LCOR: variants seen among roughly 807,000 people sequenced by gnomAD.
LCOR encodes the protein ligand-dependent corepressor.
In LCOR, 14 loss-of-function variants were observed where a neutral mutation model predicts 64.4. The ratio of observed to expected loss-of-function variants is 0.22; its 90% CI spans 0.14 to 0.34. LCOR has a LOEUF of 0.34. Among genes scored for constraint, LCOR ranks in the 10% least tolerant of loss-of-function variants. The pLI, the probability that LCOR is intolerant of heterozygous loss-of-function variation, is 1.00. For missense variants in LCOR, 1,686 were observed against 1,765.3 expected (o/e 0.96, Z 0.80); for synonymous variants, 643 against 642.5 (o/e 1.00, Z -0.01).
chr10:96,938,164 G>T (rs1163353994), intron 4 of LCOR, among the ~76,000 whole-genome samples: 1 of 151,998 alleles, frequency 6.6e-6, no homozygotes, highest in African/African-American at 2.4e-5. Flanking sequence ...TCCCTATGTT[G>T]CCCAGGCTGG....
chr10:96,906,689 C>T (rs1248652375), intron 2 of LCOR, among the ~76,000 whole-genome samples: 2 of 151,796 alleles, frequency 1.3e-5, no homozygotes, highest in Admixed American at 6.6e-5. Context: ...GTGGGGTTTA[C>T]GTTTATAAAG....
chr10:96,960,304 T>C (rs1336762845), intron 7 of LCOR: 1 of 152,242 alleles, frequency 6.6e-6, no homozygotes, highest in African/African-American at 2.4e-5. Context: ...TGGATTCATT[T>C]ATTTTCATAA....
chr10:96,920,713 T>C (rs989462018), intron 4 of LCOR, among the ~76,000 whole-genome samples: 3 of 142,710 alleles, frequency 2.1e-5, no homozygotes, highest in East Asian at 2.1e-4. Context: ...TATGTGTGTA[T>C]ATATGTATAT....
In LCOR at chr10:96,859,030, A is replaced by G. The variant is rs948449278; in HGVS notation, c.-330+25551A>G. Among the ~76,000 whole-genome samples the G allele has an allele frequency of 2.0e-5, 3 of 152,244 alleles. No individual in the cohort carries two copies. In the East Asian group the frequency reaches 5.8e-4, roughly 29 times the overall value. On this transcript the variant is annotated intron_variant, in intron 2 of 7. Transcript: ENST00000421806. Reference sequence around the variant, plus strand: ...CAGGACACTTTGTATTGCAAATGATAGAAACCCAACTCAGGTTAGTTTAAG... The same window carrying G: ...CAGGACACTTTGTATTGCAAATGATGGAAACCCAACTCAGGTTAGTTTAAG...
intron 2 of LCOR, among the ~76,000 whole-genome samples, chr10:96,838,560 A>T (rs1483064746): frequency 6.6e-6 from 1 of 152,232 alleles, no homozygotes; most frequent in Non-Finnish European, 1.5e-5. Flanking sequence ...TGGACATAGC[A>T]TGTAATTGGA....
intron 2 of LCOR, among the ~76,000 whole-genome samples, chr10:96,849,465 C>G (rs1845690145): frequency 6.6e-6 from 1 of 152,160 alleles, no homozygotes; most frequent in African/African-American, 2.4e-5. Context: ...CCGCCTCGGC[C>G]TCCCGAAGTG....
At chr10:96,957,604 T>G in intron 7 of LCOR, 1 of 985,272 alleles carries the variant, frequency 1.0e-6, no homozygotes, top group Non-Finnish European at 1.2e-6. Flanking sequence ...AATTGGAGGG[T>G]TGGTTAGATT....
intron 7 of LCOR, among the ~76,000 whole-genome samples, chr10:96,966,317 C>T (rs1847950720): frequency 6.7e-6 from 1 of 150,066 alleles, no homozygotes; most frequent in Non-Finnish European, 1.5e-5. Flanking sequence ...CAAACTCCGC[C>T]TCCCAGGTTC....
intron 2 of LCOR, among the ~76,000 whole-genome samples, chr10:96,889,208 T>C (rs949274473): frequency 2.0e-5 from 3 of 152,226 alleles, no homozygotes; most frequent in Non-Finnish European, 4.4e-5. Flanking sequence ...TTTCCTGTTC[T>C]GGACATTTCA....
At chr10:96,959,113 C>T (rs140443315) in intron 7 of LCOR, 1 of 152,022 alleles carries the variant, frequency 6.6e-6, no homozygotes, top group East Asian at 1.9e-4. Context: ...GCAGTGATTC[C>T]TTAATATTTG....
Position 96,987,932 on chromosome 10 carries a change from A to C in LCOR, c.*2798A>C, listed in dbSNP as rs1411466265. On this transcript the variant is annotated 3_prime_UTR_variant, in exon 8 of 8. Transcript: ENST00000421806. ...ACCACACCAGATGCAAAAGCAGTCCATCCCACATTCCGATCCAAATCAGAA... is the reference window on the plus strand; with the variant it reads ...ACCACACCAGATGCAAAAGCAGTCCCTCCCACATTCCGATCCAAATCAGAA... 6.6e-6 allele frequency: 1 copy of C among 152,266 alleles called. No homozygotes were observed. Among genetic ancestry groups the C allele is most frequent in the South Asian group, 2.1e-4 (1 of 4,836 alleles). 9.4% of individuals were successfully genotyped at this position (152,266 alleles called of 1,614,324 possible).
intron 7 of LCOR, among the ~76,000 whole-genome samples, chr10:96,966,205 T>TC (rs1847948290): frequency 1.4e-5 from 2 of 147,848 alleles, no homozygotes; most frequent in African/African-American, 2.5e-5. Context: ...TGGGGATTTT[T>TC]CCCCCCAAAG....
chr10:96,922,408 A>G (rs562051118), intron 4 of LCOR, among the ~76,000 whole-genome samples: 3 of 152,208 alleles, frequency 2.0e-5, no homozygotes, highest in African/African-American at 7.2e-5. Context: ...GTTAATGACT[A>G]TTGCTGTCAG....
In LCOR at chr10:96,854,927, T is replaced by A. The variant is rs74153737; in HGVS notation, c.-330+21448T>A. On this transcript the variant is annotated intron_variant, in intron 2 of 7. Coordinates refer to ENST00000421806, the MANE Select transcript of LCOR (RefSeq NM_001346516.2). ...ATTATATGTGTGTTTTATCATACCT[T>A]TCCTACTGAATATCTTGTTTTAGCC... is the stretch of plus-strand genomic sequence containing the variant. 9.9e-3 allele frequency among the ~76,000 whole-genome samples: 1,515 copies of A among 152,334 alleles called. 22 individuals are homozygous for A. Among genetic ancestry groups the A allele is most frequent in the African/African-American group, 0.031 (1,299 of 41,580 alleles).
chr10:96,900,735 T>C (rs897131186), intron 2 of LCOR, among the ~76,000 whole-genome samples: 4 of 147,676 alleles, frequency 2.7e-5, no homozygotes, highest in African/African-American at 1.0e-4. Flanking sequence ...TGAGTAACCC[T>C]TACCCCCCAG....
intron 7 of LCOR, among the ~76,000 whole-genome samples, chr10:96,965,552 C>T (rs964361564): frequency 3.3e-4 from 50 of 149,666 alleles, no homozygotes; most frequent in African/African-American, 1.2e-3. Flanking sequence ...GTCCCAGCTA[C>T]TCGGGAGGCT....
In LCOR at chr10:96,958,326, ATGAGT is replaced by A. The variant is rs1223531336; in HGVS notation, c.332+6137_332+6141del. ...ATGTGGTAGTCTATATAAGTGATGT[ATGAGT>A]TGAGTTATGTAAATTTTGTCATTGT... On this transcript the variant is annotated intron_variant, in intron 7 of 7. Transcript: ENST00000421806. The A allele has an allele frequency of 3.9e-6, 6 of 1,528,574 alleles. No homozygotes were observed. The Admixed American group carries it at 5.9e-5, about 15-fold the overall frequency. The allele number at this position is 1,528,574 out of a possible 1,614,324, so 94.7% of individuals were successfully genotyped here. A position where few individuals can be genotyped will look rare whatever the true frequency, so the allele number is the denominator to read the frequency against.
chr10:96,961,018 CTAA>C (rs1847870924), intron 7 of LCOR: 1 of 152,006 alleles, frequency 6.6e-6, no homozygotes, highest in African/African-American at 2.4e-5. Flanking sequence ...GCTATAAACT[CTAA>C]GTGTTAGGAA....
At chr10:96,866,479 T>C (rs1845976447) in intron 2 of LCOR, among the ~76,000 whole-genome samples, 1 of 152,236 alleles carries the variant, frequency 6.6e-6, no homozygotes, top group Non-Finnish European at 1.5e-5. Flanking sequence ...ACAAGTCTTT[T>C]TGTGGACCAT....
Sources: gnomAD v4.1 joint callset for allele counts (sites outside exome capture counted in the v4.1 genomes callset) on GRCh38, gnomAD v4.1.1 for gene constraint, MANE v1.5 for transcripts, NCBI Gene and HGNC (gene_info 2026-07-23, HGNC 2026-07-21) for gene names.